The following RNF149 variants were observed in gnomAD, a reference collection of about 807,000 sequenced individuals.
RNF149 encodes the protein E3 ubiquitin-protein ligase RNF149.
A neutral mutation model predicts 39.0 loss-of-function variants in RNF149; 21 were observed. That is an observed-to-expected ratio of 0.54 (90% CI 0.38 to 0.77). The LOEUF (loss-of-function observed/expected upper bound fraction) is 0.77. Among genes scored for constraint, RNF149 ranks in the 30% least tolerant of loss-of-function variants. The pLI is 0.00. For synonymous variants in RNF149, 209 were observed against 213.6 expected (o/e 0.98, Z 0.19); for missense variants, 493 against 534.9 (o/e 0.92, Z 0.77).
chr2:101,303,603 A>C (rs1224360930), intron 1 of RNF149, among the ~76,000 whole-genome samples: 2 of 151,782 alleles, frequency 1.3e-5, no homozygotes, highest in African/African-American at 4.8e-5. Context: ...TTTCTTTTTT[A>C]ATTTTATTCT....
intron 6 of RNF149, among the ~76,000 whole-genome samples, chr2:101,278,743 A>G (rs972380985): frequency 1.3e-5 from 2 of 152,202 alleles, no homozygotes; most frequent in Non-Finnish European, 2.9e-5. Flanking sequence ...TGTAGTCACC[A>G]TGCTGTACAA....
At chr2:101,279,895 G>A (rs377393048) in intron 6 of RNF149, among the ~76,000 whole-genome samples, 18 of 152,084 alleles carry the variant, frequency 1.2e-4, no homozygotes, top group Admixed American at 2.0e-4. Context: ...CTGAAGCATC[G>A]ATTCTTCCCA....
At chr2:101,289,962 AC>A (rs2104406775) in intron 3 of RNF149, among the ~76,000 whole-genome samples, 1 of 152,244 alleles carries the variant, frequency 6.6e-6, no homozygotes, top group South Asian at 2.1e-4. Flanking sequence ...CAGGTGGATC[AC>A]AAGGTCAAGA....
Position 101,276,697 on chromosome 2 carries a change from G to A in RNF149, c.*541C>T, listed in dbSNP as rs1682357336. On this transcript the variant is annotated 3_prime_UTR_variant, in exon 7 of 7. Coordinates refer to ENST00000295317, the MANE Select transcript of RNF149 (RefSeq NM_173647.4). ...CTAAACAAAGAAAAAGTGCTCTCAG[G>A]TTTTGAAATCTTCACATACACTACA... is the stretch of plus-strand genomic sequence containing the variant. 1.0e-6 allele frequency: 1 copy of A among 985,200 alleles called. No homozygotes were observed. Among genetic ancestry groups the A allele is most frequent in the Non-Finnish European group, 1.2e-6 (1 of 829,892 alleles). 61.0% of individuals were successfully genotyped at this position (985,200 alleles called of 1,614,324 possible). A position where few individuals can be genotyped will look rare whatever the true frequency, so the allele number is the denominator to read the frequency against.
intron 3 of RNF149, among the ~76,000 whole-genome samples, chr2:101,291,340 G>A (rs146093044): frequency 0.031 from 4,729 of 152,118 alleles, 94 homozygotes; most frequent in Non-Finnish European, 0.048. Context: ...TAGTACAGAT[G>A]GGGTTTCACC....
At chr2:101,273,023 G>A (rs953277671), downstream of RNF149, 5 of 1,352,896 alleles carry the variant, frequency 3.7e-6, no homozygotes, top group East Asian at 4.5e-5. Flanking sequence ...ACTGCAATTC[G>A]GCCTTTTCTT....
intron 1 of RNF149, among the ~76,000 whole-genome samples, chr2:101,301,111 T>G (rs1465750618): frequency 1.3e-5 from 2 of 152,132 alleles, no homozygotes; most frequent in Admixed American, 6.5e-5. Flanking sequence ...ATCTCTTCCT[T>G]CCTTAGGCCT....
In RNF149 at chr2:101,308,483, C is replaced by G; in HGVS notation, c.106G>C (p.Glu36Gln). 1 of 1,610,994 alleles carries G rather than the reference C, an allele frequency of 6.2e-7. No homozygotes were observed. Among genetic ancestry groups the G allele is most frequent in the Non-Finnish European group, 8.5e-7 (1 of 1,179,244 alleles). Residue 36 changes from glutamate to glutamine, a missense_variant, in exon 1 of 7, where the codon GAG becomes CAG. Transcript: ENST00000295317. ...CVPGARGRALEWFSAVVNIEY... is the reference protein window; with the variant it reads ...CVPGARGRALQWFSAVVNIEY... ...ATGTTTACCACGGCCGAGAACCACT[C>G]GAGAGCCCGGCCCCGGGCCCCGGGC...
At chr2:101,291,183 G>A (rs377702029) in intron 3 of RNF149, among the ~76,000 whole-genome samples, 63 of 151,186 alleles carry the variant, frequency 4.2e-4, no homozygotes, top group African/African-American at 1.4e-3. Context: ...ACGGAGTCTC[G>A]CTCTGTCGCC....
Position 101,282,162 on chromosome 2 carries a change from T to C in RNF149, c.961-105A>G, listed in dbSNP as rs190810325. ...TCACACACAATATTACGTACTTCTG[T>C]ACAATGAATCTGGCAAAAAGCACAT... On this transcript the variant is annotated intron_variant, in intron 5 of 6. Transcript: ENST00000295317. 305 of 1,480,810 alleles carry C rather than the reference T, an allele frequency of 2.1e-4. 2 individuals carry two copies. In the African/African-American group the frequency reaches 3.5e-3, roughly 17 times the overall value. The allele number at this position is 1,480,810 out of a possible 1,614,324, so 91.7% of individuals were successfully genotyped here.
Position 101,308,573 on chromosome 2 carries a change from G to T in RNF149, c.16C>A (p.Arg6Ser). The T allele has an allele frequency of 6.4e-7, 1 of 1,559,908 alleles. No individual in the cohort carries two copies. The highest frequency in any genetic ancestry group is 1.9e-5 in the Admixed American group (1 of 51,540). MAWRR[R>S]EASVGARGVL... Reference sequence around the variant, plus strand: ...CCGCGAGCCCCGACGCTGGCTTCGCGCCGCCGCCACGCCATGGCAGCACCG... The same window carrying T: ...CCGCGAGCCCCGACGCTGGCTTCGCTCCGCCGCCACGCCATGGCAGCACCG... Residue 6 changes from arginine (R) to serine (S), a missense_variant, in exon 1 of 7, where the codon CGC becomes AGC. Transcript: ENST00000295317.
intron 1 of RNF149, among the ~76,000 whole-genome samples, chr2:101,301,983 T>A (rs1190809981): frequency 6.6e-6 from 1 of 152,256 alleles, no homozygotes; most frequent in African/African-American, 2.4e-5. Flanking sequence ...GAGAATACTA[T>A]AAACTTCCAG....
chr2:101,308,372 C>T lies in RNF149; in HGVS notation c.217G>A (p.Ala73Thr), dbSNP rs779326442. 2.5e-6 allele frequency: 4 copies of T among 1,607,318 alleles called. No homozygotes were observed. The African/African-American group carries it at 5.4e-5, about 22-fold the overall frequency. Residue 73 changes from alanine (A) to threonine (T), a missense_variant, in exon 1 of 7, where the codon GCG becomes ACG. Coordinates refer to ENST00000295317, the MANE Select transcript of RNF149 (RefSeq NM_173647.4). ...CACGGGACGCCCACCAGGCCATGCG[C>T]GCCCTCCTTGGGCGAGCTGTCGCCG... ...RFGDSSPKEG[A>T]HGLVGVPWAP...
chr2:101,297,263 A>G (rs1278834096), intron 1 of RNF149, among the ~76,000 whole-genome samples: 1 of 150,638 alleles, frequency 6.6e-6, no homozygotes, highest in Non-Finnish European at 1.5e-5. Flanking sequence ...GATGTAACAT[A>G]ACAAAGACAA....
chr2:101,306,200 G>A (rs1240931291), intron 1 of RNF149, among the ~76,000 whole-genome samples: 1 of 152,168 alleles, frequency 6.6e-6, no homozygotes, highest in Non-Finnish European at 1.5e-5. Flanking sequence ...AAAAAATGCA[G>A]TAAGTAGATT....
chr2:101,273,326 T>C (rs1242000284), downstream of RNF149: 7 of 471,024 alleles, frequency 1.5e-5, no homozygotes, highest in Non-Finnish European at 2.6e-5. Flanking sequence ...CCACATGACA[T>C]GTGAACACAT....
downstream of RNF149, among the ~76,000 whole-genome samples, chr2:101,275,431 C>CCTT (rs1682302935): frequency 3.8e-5 from 1 of 26,580 alleles, no homozygotes; most frequent in Non-Finnish European, 6.4e-5. Flanking sequence ...CCTAGTATTT[C>CCTT]TTTTTTTTTT....
chr2:101,304,705 T>A (rs1405782515), intron 1 of RNF149, among the ~76,000 whole-genome samples: 1 of 152,174 alleles, frequency 6.6e-6, no homozygotes, highest in Non-Finnish European at 1.5e-5. Flanking sequence ...CAGTCACATT[T>A]TTTTTAGAGC....
chr2:101,281,315 G>A (rs1304349853), intron 6 of RNF149, among the ~76,000 whole-genome samples: 1 of 152,024 alleles, frequency 6.6e-6, no homozygotes, highest in East Asian at 1.9e-4. Flanking sequence ...GCCCATAAGT[G>A]ATATTCACCG....
Sources: gnomAD v4.1 joint callset for allele counts (sites outside exome capture counted in the v4.1 genomes callset) on GRCh38, gnomAD v4.1.1 for gene constraint, MANE v1.5 for transcripts, NCBI Gene and HGNC (gene_info 2026-07-23, HGNC 2026-07-21) for gene names.